CTNNA3: variants seen among roughly 807,000 people sequenced by gnomAD.
CTNNA3 encodes catenin alpha-3.
Under a neutral mutation model 95.7 loss-of-function variants are expected in CTNNA3, and 76 were observed. That is an observed-to-expected ratio of 0.79 (90% confidence interval 0.66 to 0.96). The LOEUF (loss-of-function observed/expected upper bound fraction) is 0.96. Ranked by LOEUF, CTNNA3 falls within the 40% of genes least tolerant of loss-of-function variation. The pLI is 0.00. For missense variants in CTNNA3, 1,191 were observed against 1,089.8 expected (o/e 1.09, Z -1.31); for synonymous variants, 431 against 374.4 (o/e 1.15, Z -1.74).
At chr10:65,951,856 C>G (rs373346442) in intron 17 of CTNNA3, among the ~76,000 whole-genome samples, 1 of 151,946 alleles carries the variant, frequency 6.6e-6, no homozygotes, top group Non-Finnish European at 1.5e-5. Context: ...GGTGAAACCC[C>G]GTCTCTACTA....
At chr10:66,647,675 T>TA (rs1385269110) in intron 9 of CTNNA3, among the ~76,000 whole-genome samples, 1 of 91,724 alleles carries the variant, frequency 1.1e-5, no homozygotes, top group African/African-American at 4.2e-5. Flanking sequence ...CACGCCCAGC[T>TA]AAATTTTTTT....
chr10:67,359,251 A>G (rs541195195), intron 5 of CTNNA3, among the ~76,000 whole-genome samples: 25 of 151,896 alleles, frequency 1.6e-4, no homozygotes, highest in South Asian at 6.2e-4. Flanking sequence ...AAAAAAAAAA[A>G]AAAGAAAGAA....
intron 13 of CTNNA3, among the ~76,000 whole-genome samples, chr10:66,134,901 C>T (rs10822728): frequency 0.21 from 32,509 of 151,884 alleles, 3,664 homozygotes; most frequent in Admixed American, 0.26. Flanking sequence ...ACTCTGTACA[C>T]TCTTGGTTGG....
intron 5 of CTNNA3, among the ~76,000 whole-genome samples, chr10:67,228,100 C>G (rs1184027914): frequency 6.6e-5 from 10 of 152,070 alleles, no homozygotes; most frequent in African/African-American, 2.4e-4. Context: ...TGACACTCTA[C>G]GGCTATACCT....
At chr10:67,692,117 G>A (rs1407548742) in intron 1 of CTNNA3, among the ~76,000 whole-genome samples, 1 of 149,614 alleles carries the variant, frequency 6.7e-6, no homozygotes, top group East Asian at 2.0e-4. Context: ...GGAGGGAGGT[G>A]GGGGGTCAGC....
intron 7 of CTNNA3, among the ~76,000 whole-genome samples, chr10:66,802,568 GA>G (rs919954218): frequency 6.6e-6 from 1 of 151,570 alleles, no homozygotes; most frequent in African/African-American, 2.4e-5. Context: ...CCACGTCTTT[GA>G]AAAAAGATTT....
chr10:66,525,655 G>A (rs1841229632), intron 10 of CTNNA3, among the ~76,000 whole-genome samples: 1 of 152,146 alleles, frequency 6.6e-6, no homozygotes, highest in African/African-American at 2.4e-5. Context: ...GTGAAAGAGA[G>A]AGAGAAAGAA....
chr10:67,179,386 A>C (rs932597935), intron 7 of CTNNA3, among the ~76,000 whole-genome samples: 5 of 151,466 alleles, frequency 3.3e-5, no homozygotes, highest in Non-Finnish European at 7.4e-5. Context: ...AGATGAAGAG[A>C]TATGTATTTC....
chr10:67,015,777 C>T (rs57966240), intron 7 of CTNNA3, among the ~76,000 whole-genome samples: 2,476 of 152,074 alleles, frequency 0.016, 85 homozygotes, highest in African/African-American at 0.056. Context: ...TCACCAATTA[C>T]GTACATGTTG....
intron 16 of CTNNA3, among the ~76,000 whole-genome samples, chr10:65,982,554 C>CAT (rs10673763): frequency 0.86 from 129,507 of 150,696 alleles, 55,900 homozygotes; most frequent in African/African-American, 0.91. Flanking sequence ...CTTGCACACA[C>CAT]GTTTATAGCA....
At chr10:67,171,184 G>A (rs1400301309) in intron 7 of CTNNA3, among the ~76,000 whole-genome samples, 2 of 152,126 alleles carry the variant, frequency 1.3e-5, no homozygotes, top group Non-Finnish European at 2.9e-5. Context: ...TACCACAAAA[G>A]GTCATGGTTT....
intron 7 of CTNNA3, among the ~76,000 whole-genome samples, chr10:66,944,177 C>G (rs190246310): frequency 2.0e-4 from 30 of 152,326 alleles, no homozygotes; most frequent in African/African-American, 7.0e-4. Flanking sequence ...CTCTCAAACT[C>G]TGCCACTGCT....
At chr10:66,128,900 A>G (rs746749258) in intron 13 of CTNNA3, among the ~76,000 whole-genome samples, 3 of 151,824 alleles carry the variant, frequency 2.0e-5, no homozygotes, top group African/African-American at 7.3e-5. Context: ...TGTGGAGGCT[A>G]TCTCTGTAAC....
chr10:66,528,409 G>A (rs925989165), intron 10 of CTNNA3, among the ~76,000 whole-genome samples: 3 of 152,028 alleles, frequency 2.0e-5, no homozygotes, highest in Admixed American at 6.6e-5. Flanking sequence ...TCTAAACTAC[G>A]TTCAGAATAT....
chr10:66,718,370 T>A (rs12254166), intron 9 of CTNNA3, among the ~76,000 whole-genome samples: 17,676 of 152,040 alleles, frequency 0.12, 1,180 homozygotes, highest in Middle Eastern at 0.19. Context: ...AATGCAAATA[T>A]TATTTCATCT....
chr10:66,035,216 G>A (rs2079535940), intron 15 of CTNNA3, among the ~76,000 whole-genome samples: 1 of 152,148 alleles, frequency 6.6e-6, no homozygotes, highest in African/African-American at 2.4e-5. Flanking sequence ...AATAGAAGGT[G>A]AGTGCATTTC....
At position 66,416,633 on chromosome 10, in the gene CTNNA3, T is replaced by C. The variant is rs373362536; in HGVS notation, c.1532-37281A>G. ...AGAAAATTTATCAGTAGAAACCTTA[T>C]AGGCCAGGAGAGAATGGGATAATGT... On this transcript the variant is annotated intron_variant, in intron 11 of 17. Coordinates refer to ENST00000433211, the MANE Select transcript of CTNNA3 (RefSeq NM_013266.4). Among the ~76,000 whole-genome samples, 71 of 151,950 alleles carry C rather than the reference T, an allele frequency of 4.7e-4. 1 individual carries two copies. In the South Asian group the frequency reaches 0.013, roughly 28 times the overall value.
intron 3 of CTNNA3, among the ~76,000 whole-genome samples, chr10:67,586,976 A>G (rs57579361): frequency 2.4e-4 from 37 of 151,892 alleles, no homozygotes; most frequent in African/African-American, 8.7e-4. Flanking sequence ...AATGACTTAC[A>G]CTTTTAATGT....
chr10:67,393,445 C>A (rs1316647172), intron 5 of CTNNA3, among the ~76,000 whole-genome samples: 1 of 151,944 alleles, frequency 6.6e-6, no homozygotes, highest in Non-Finnish European at 1.5e-5. Flanking sequence ...AAGTAATATC[C>A]CCAGTATATT....
Sources: allele counts gnomAD v4.1 joint callset (sites outside exome capture counted in the v4.1 genomes callset), GRCh38; gene constraint gnomAD v4.1.1; transcripts MANE v1.5; gene names NCBI Gene and HGNC (gene_info 2026-07-23, HGNC 2026-07-21).